KCNIP3: variants seen among roughly 807,000 people sequenced by gnomAD.
KCNIP3 encodes calsenilin.
KCNIP3 carries 28 observed loss-of-function variants against 35.0 expected under a neutral mutation model. The observed-to-expected ratio is 0.80, with a 90% confidence interval of 0.59 to 1.10. The LOEUF (loss-of-function observed/expected upper bound fraction) is 1.10. KCNIP3 is among the 50% of genes least tolerant of loss of function. The pLI, the probability that KCNIP3 is intolerant of heterozygous loss-of-function variation, is 0.00. For missense variants in KCNIP3, 295 were observed against 338.4 expected, an observed-to-expected ratio of 0.87 and a Z score of 1.01; for synonymous variants, 134 against 133.8, an observed-to-expected ratio of 1.00 and a Z score of -0.01.
intron 2 of KCNIP3, among the ~76,000 whole-genome samples, chr2:95,332,210 C>A (rs1678949126): frequency 1.3e-5 from 2 of 152,232 alleles, no homozygotes; most frequent in Non-Finnish European, 2.9e-5. Flanking sequence ...CAGAGCCAGG[C>A]GAGAACATGC....
chr2:95,314,862 G>A (rs1206939042), intron 2 of KCNIP3, among the ~76,000 whole-genome samples: 6 of 152,230 alleles, frequency 3.9e-5, no homozygotes, highest in South Asian at 2.1e-4. Flanking sequence ...GTGTTTTCCC[G>A]GGCTCCGGGC....
intron 5 of KCNIP3, among the ~76,000 whole-genome samples, chr2:95,379,642 A>G (rs1479825853): frequency 1.3e-5 from 2 of 152,068 alleles, no homozygotes; most frequent in Non-Finnish European, 2.9e-5. Flanking sequence ...GAGTGTCTTT[A>G]TTCTGTTTTT....
intron 2 of KCNIP3, among the ~76,000 whole-genome samples, chr2:95,333,033 C>G (rs931405132): frequency 5.5e-3 from 1 of 182 alleles, no homozygotes; most frequent in African/African-American, 0.019. Flanking sequence ...GTGACAGCCT[C>G]TGCTGGGCCT....
chr2:95,330,074 C>T (rs1678888333), intron 2 of KCNIP3, among the ~76,000 whole-genome samples: 1 of 152,234 alleles, frequency 6.6e-6, no homozygotes, highest in Non-Finnish European at 1.5e-5. Flanking sequence ...CAGCCACCGC[C>T]AGCTGCCGCA....
chr2:95,337,030 C>T (rs547465197), intron 2 of KCNIP3, among the ~76,000 whole-genome samples: 50 of 152,278 alleles, frequency 3.3e-4, no homozygotes, highest in Non-Finnish European at 6.0e-4. Context: ...AGGATCTGTT[C>T]GTGCAGATTT....
intron 2 of KCNIP3, among the ~76,000 whole-genome samples, chr2:95,364,665 C>A (rs1418329752): frequency 1.3e-5 from 2 of 152,044 alleles, no homozygotes; most frequent in African/African-American, 4.8e-5. Context: ...CATTAAAGAG[C>A]CTGGCACCTC....
Position 95,382,539 on chromosome 2 carries a change from C to G in KCNIP3, c.660+58C>G. ...AGCCTGGCAGAGGAAGGGGCTCTCGCTTTTGGGGCCACCCCGGGCAAGTGG... is the reference window on the plus strand; with the variant it reads ...AGCCTGGCAGAGGAAGGGGCTCTCGGTTTTGGGGCCACCCCGGGCAAGTGG... On this transcript the variant is annotated intron_variant, in intron 7 of 8. Transcript: ENST00000295225. The surrounding 1 kb of genome is among the most constrained non-coding windows in gnomAD (Gnocchi z 4.5). 7.7e-7 allele frequency: 1 copy of G among 1,302,888 alleles called. No individual in the cohort carries two copies. The highest frequency in any genetic ancestry group is 1.1e-6 in the Non-Finnish European group (1 of 934,402). 80.7% of individuals were successfully genotyped at this position (1,302,888 alleles called of 1,614,324 possible). A position where few individuals can be genotyped will look rare whatever the true frequency, so the allele number is the denominator to read the frequency against.
chr2:95,367,968 G>C (rs1247342911), intron 2 of KCNIP3, among the ~76,000 whole-genome samples: 2 of 152,140 alleles, frequency 1.3e-5, no homozygotes, highest in African/African-American at 4.8e-5. Flanking sequence ...CGCCATGTTG[G>C]CCAGGCTGGT....
intron 1 of KCNIP3, among the ~76,000 whole-genome samples, chr2:95,305,613 C>T (rs1230516536): frequency 6.6e-6 from 1 of 152,198 alleles, no homozygotes; most frequent in Non-Finnish European, 1.5e-5. Flanking sequence ...CTCAAGGCCC[C>T]TCCTGCCGCC....
At chr2:95,324,901 ACT>A (rs1392562809) in intron 2 of KCNIP3, among the ~76,000 whole-genome samples, 2 of 152,134 alleles carry the variant, frequency 1.3e-5, no homozygotes, top group African/African-American at 4.8e-5. Flanking sequence ...ACAGAGTGAG[ACT>A]CTGTCTCAAA....
At chr2:95,324,804 G>A (rs1455336706) in intron 2 of KCNIP3, among the ~76,000 whole-genome samples, 6 of 151,910 alleles carry the variant, frequency 3.9e-5, no homozygotes, top group East Asian at 3.9e-4. Flanking sequence ...CCAGCTACTC[G>A]GGAGGTTGAG....
intron 2 of KCNIP3, among the ~76,000 whole-genome samples, chr2:95,314,885 C>T (rs1372728446): frequency 6.6e-6 from 1 of 152,178 alleles, no homozygotes; most frequent in Non-Finnish European, 1.5e-5. Flanking sequence ...GTTCTTCTGG[C>T]TGGGGGAGAG....
chr2:95,348,518 G>A (rs1216547456), intron 2 of KCNIP3, among the ~76,000 whole-genome samples: 1 of 152,160 alleles, frequency 6.6e-6, no homozygotes, highest in Non-Finnish European at 1.5e-5. Flanking sequence ...CCTGATCCTC[G>A]GGGCCTCCAG....
chr2:95,334,371 G>A (rs1397842003), intron 2 of KCNIP3, among the ~76,000 whole-genome samples: 2 of 150,298 alleles, frequency 1.3e-5, no homozygotes, highest in Non-Finnish European at 2.9e-5. Context: ...GGTGGGCAGG[G>A]GTTAAGGAAT....
intron 2 of KCNIP3, among the ~76,000 whole-genome samples, chr2:95,340,230 A>G (rs1400716721): frequency 2.6e-5 from 4 of 152,168 alleles, no homozygotes; most frequent in Admixed American, 2.0e-4. Flanking sequence ...CCAGCTGCTC[A>G]GGAGGTGCGG....
intron 2 of KCNIP3, among the ~76,000 whole-genome samples, chr2:95,367,278 A>G (rs535710651): frequency 3.9e-5 from 6 of 152,352 alleles, no homozygotes; most frequent in Non-Finnish European, 7.3e-5. Context: ...GTCTTAAAAA[A>G]ATAATAAAAT....
rs1195589332 is a variant in KCNIP3 at position 95,382,510 on chromosome 2, G to A, written c.660+29G>A. On this transcript the variant is annotated intron_variant, in intron 7 of 8. Coordinates refer to ENST00000295225, the MANE Select transcript of KCNIP3 (RefSeq NM_013434.5). This position sits in a 1 kb window ranked among gnomAD's most constrained non-coding sequence, Gnocchi z 4.5. Reference sequence around the variant, plus strand: ...AGCGAGCGCCAGCCCTGCCTAGGGAGGGGAGCCTGGCAGAGGAAGGGGCTC... The same window carrying A: ...AGCGAGCGCCAGCCCTGCCTAGGGAAGGGAGCCTGGCAGAGGAAGGGGCTC... The A allele has an allele frequency of 5.2e-6, 8 of 1,528,522 alleles. No individual in the cohort carries two copies. The highest frequency in any genetic ancestry group is 7.1e-6 in the Non-Finnish European group (8 of 1,124,144). 94.7% of individuals were successfully genotyped at this position (1,528,522 alleles called of 1,614,324 possible). A position where few individuals can be genotyped will look rare whatever the true frequency, so the allele number is the denominator to read the frequency against.
intron 2 of KCNIP3, among the ~76,000 whole-genome samples, chr2:95,321,961 G>A (rs537836889): frequency 6.6e-6 from 1 of 152,152 alleles, no homozygotes; most frequent in Admixed American, 6.5e-5. Flanking sequence ...CTCAGGCCAC[G>A]TTTCCACTAC....
chr2:95,352,254 AAAAC>A (rs1354116397), intron 2 of KCNIP3, among the ~76,000 whole-genome samples: 2 of 152,190 alleles, frequency 1.3e-5, no homozygotes, highest in African/African-American at 2.4e-5. Flanking sequence ...ACTCTGTCTC[AAAAC>A]AAACAAGAAG....
Sources: gnomAD v4.1 joint callset for allele counts (sites outside exome capture counted in the v4.1 genomes callset) on GRCh38, gnomAD v4.1.1 for gene constraint, Gnocchi (gnomAD v3.1) non-coding constraint, MANE v1.5 for transcripts, NCBI Gene and HGNC (gene_info 2026-07-23, HGNC 2026-07-21) for gene names.